ANO7: variants seen among roughly 807,000 people sequenced by gnomAD.
The protein encoded by ANO7 is anoctamin 7, also known as anoctamin-7.
In ANO7, 114 loss-of-function variants were observed where a neutral mutation model predicts 115.8. That is an observed-to-expected ratio of 0.98 (90% CI 0.85 to 1.15). ANO7 has a LOEUF of 1.15. Among genes scored for constraint, ANO7 ranks in the 50% most tolerant of loss-of-function variants. The pLI is 0.00. For missense variants in ANO7, 1,302 were observed against 1,201.2 expected (o/e 1.08, Z -1.24); for synonymous variants, 550 against 498.2 (o/e 1.10, Z -1.38).
chr2:241,202,078 A>T, intron 7 of ANO7, 116 bp from the exon 8 acceptor site: 1 of 785,730 alleles, frequency 1.3e-6, no homozygotes, highest in Non-Finnish European at 2.1e-6. Context: ...CGCTATTGTC[A>T]CCAGAAGGCT....
chr2:241,203,720 G>T lies in ANO7; in HGVS notation c.889+222G>T, dbSNP rs887387312. Among the ~76,000 whole-genome samples, 8 of 152,086 alleles carry T rather than the reference G, an allele frequency of 5.3e-5. No individual in the cohort carries two copies. The highest frequency in any genetic ancestry group is 1.5e-5 in the Non-Finnish European group (1 of 68,000). ...CGGGCCCTGGCCTCCTAATGCTCCA[G>T]TAACAGTGCTGAGAGCCGCTTCTGC... On this transcript the variant is annotated intron_variant, in intron 9 of 24. Coordinates refer to ENST00000674324, the MANE Select transcript of ANO7 (RefSeq NM_001370694.2). The surrounding 1 kb of genome is among the most constrained non-coding windows in gnomAD (Gnocchi z 4.8).
chr2:241,224,055 G>A (rs371171741), intron 24 of ANO7, 42 bp from the exon 25 acceptor site: 68 of 1,613,342 alleles, frequency 4.2e-5, no homozygotes, highest in Non-Finnish European at 5.4e-5. Context: ...GCCTGCTCCT[G>A]GCCCTAGTCT....
chr2:241,195,803 T>G lies in ANO7; in HGVS notation c.267T>G (p.Thr89=). The G allele has an allele frequency of 6.2e-7, 1 of 1,614,226 alleles. No homozygotes were observed. The highest frequency in any genetic ancestry group is 8.5e-7 in the Non-Finnish European group (1 of 1,180,030). The stretch of plus-strand genomic sequence containing the variant: ...ACATGCACAGGACCTGGCGGGAGAC[T>G]TTTCTGGATAATCTTCGTGCGGCTG... ...RTDMHRTWRE[T]FLDNLRAAGL... The change falls in exon 4 of 25, where the codon ACT becomes ACG. Residue 89 remains threonine, a synonymous_variant. Coordinates refer to ENST00000674324, the MANE Select transcript of ANO7 (RefSeq NM_001370694.2).
intron 5 of ANO7, 112 bp downstream of exon 5, chr2:241,199,535 G>A: frequency 9.4e-7 from 1 of 1,062,620 alleles, no homozygotes; most frequent in Non-Finnish European, 1.4e-6. Flanking sequence ...GAGGCCTCAG[G>A]GGCTCCTCCT....
intron 11 of ANO7, among the ~76,000 whole-genome samples, chr2:241,209,023 C>A (rs930942144): frequency 6.6e-5 from 10 of 152,218 alleles, no homozygotes; most frequent in African/African-American, 1.4e-4. Flanking sequence ...GTGGCGGGCG[C>A]CTGTAGTCCC....
chr2:241,203,690 G>A lies in ANO7; in HGVS notation c.889+192G>A, dbSNP rs944116489. Among the ~76,000 whole-genome samples, 8 of 152,204 alleles carry A rather than the reference G, an allele frequency of 5.3e-5. No individual in the cohort carries two copies. The highest frequency in any genetic ancestry group is 3.9e-4 in the Admixed American group (6 of 15,296). On this transcript the variant is annotated intron_variant, in intron 9 of 24. Coordinates refer to ENST00000674324, the MANE Select transcript of ANO7 (RefSeq NM_001370694.2). The surrounding 1 kb of genome is among the most constrained non-coding windows in gnomAD (Gnocchi z 4.8). ...ACTCACTCTAACTGGGCGCCATGAC[G>A]ATGCCGGGCCCTGGCCTCCTAATGC...
At chr2:241,209,765 G>A (rs942707778) in intron 13 of ANO7, 130 bp downstream of exon 13, 4 of 1,318,904 alleles carry the variant, frequency 3.0e-6, no homozygotes, top group Admixed American at 3.0e-5. Flanking sequence ...ACTCCCCGCA[G>A]AGAGGCCCCC....
chr2:241,235,733 G>A, the ANO7 span: 42 of 618,930 alleles, frequency 6.8e-5, no homozygotes, highest in Non-Finnish European at 1.1e-4. Flanking sequence ...AATGCCACCA[G>A]GACCTTTAAC....
chr2:241,224,047 C>T, intron 24 of ANO7, 50 bp from the exon 25 acceptor site: 5 of 1,613,362 alleles, frequency 3.1e-6, no homozygotes, highest in Non-Finnish European at 4.2e-6. Context: ...TGGCCATGGC[C>T]TGCTCCTGGC....
In ANO7 at chr2:241,217,681, C is replaced by T. The variant is rs373751982; in HGVS notation, c.1973-5C>T. On this transcript the variant is annotated splice_polypyrimidine_tract_variant and splice_region_variant and intron_variant, in intron 19 of 24. Transcript: ENST00000674324. The stretch of plus-strand genomic sequence containing the variant: ...GAGAGCCCGGCCGTGACCCCCTCCC[C>T]GCAGTGCTGCAGTTCGGCTTCGTCA... 195 of 1,575,450 alleles carry T rather than the reference C, an allele frequency of 1.2e-4. No homozygotes were observed. Among genetic ancestry groups the T allele is most frequent in the Non-Finnish European group, 1.5e-4 (170 of 1,161,418 alleles).
intron 23 of ANO7, 33 bp downstream of exon 23, chr2:241,223,814 C>A (rs2305070): frequency 6.2e-7 from 1 of 1,614,154 alleles, no homozygotes; most frequent in African/African-American, 1.3e-5. Context: ...GGCCCTCCCC[C>A]CAGCCCTCTC....
chr2:241,230,468 A>T (rs2069607463), downstream of ANO7, among the ~76,000 whole-genome samples: 1 of 152,226 alleles, frequency 6.6e-6, no homozygotes, highest in Admixed American at 6.5e-5. The surrounding 1 kb of genome is among the most constrained non-coding windows in gnomAD (Gnocchi z 5.0). Flanking sequence ...CAGCAGACAG[A>T]GGGCCGCAGC....
In ANO7 at chr2:241,216,173, G is replaced by C; in HGVS notation, c.1907G>C (p.Gly636Ala). The C allele has an allele frequency of 6.2e-7, 1 of 1,613,234 alleles. No homozygotes were observed. Among genetic ancestry groups the C allele is most frequent in the Non-Finnish European group, 8.5e-7 (1 of 1,179,890 alleles). ...KAGASAGASQ[G>A]PWEDDYELVP... ...GGAGCTTCTGCAGGGGCTAGCCAGGGGCCCTGGGAGGACGACTATGAGCTT... is the reference window on the plus strand; with the variant it reads ...GGAGCTTCTGCAGGGGCTAGCCAGGCGCCCTGGGAGGACGACTATGAGCTT... Residue 636 changes from glycine (G) to alanine (A), a missense_variant, in exon 19 of 25, where the codon GGG (glycine) becomes GCG (alanine). Transcript: ENST00000674324.
chr2:241,192,464 C>A (rs1051384167), intron 3 of ANO7, among the ~76,000 whole-genome samples: 1 of 152,194 alleles, frequency 6.6e-6, no homozygotes. Context: ...TTTGCAGACG[C>A]GCCTTCTCCC....
intron 5 of ANO7, 102 bp from the exon 6 acceptor site, chr2:241,199,987 T>G: frequency 7.1e-7 from 1 of 1,414,772 alleles, no homozygotes; most frequent in South Asian, 1.2e-5. Context: ...CTGGAGCCCC[T>G]TCGCCCATTG....
At chr2:241,208,956 T>A (rs34575418) in intron 11 of ANO7, among the ~76,000 whole-genome samples, 2 of 152,132 alleles carry the variant, frequency 1.3e-5, no homozygotes, top group Non-Finnish European at 2.9e-5. Context: ...GAGACCATCC[T>A]GGCTAACACG....
downstream of ANO7, chr2:241,230,951 A>G: frequency 6.2e-7 from 1 of 1,611,584 alleles, no homozygotes; most frequent in Non-Finnish European, 8.5e-7. This position sits in a 1 kb window ranked among gnomAD's most constrained non-coding sequence, Gnocchi z 5.0. Context: ...GGGGCTAAAA[A>G]AGGAGAATGT....
downstream of ANO7, chr2:241,230,409 A>G (rs1266871183): frequency 3.1e-6 from 2 of 635,814 alleles, no homozygotes; most frequent in African/African-American, 3.6e-5. The surrounding 1 kb of genome is among the most constrained non-coding windows in gnomAD (Gnocchi z 5.0). Flanking sequence ...GAAGTCAGTC[A>G]GCCTCATCAC....
At chr2:241,223,159 G>C in intron 21 of ANO7, 27 bp from the exon 22 acceptor site, 1 of 1,604,552 alleles carries the variant, frequency 6.2e-7, no homozygotes, top group Non-Finnish European at 8.5e-7. Context: ...CCCTGGCTGC[G>C]CGCACTGAGT....
Sources: allele counts gnomAD v4.1 joint callset (sites outside exome capture counted in the v4.1 genomes callset), GRCh38; gene constraint gnomAD v4.1.1; non-coding constraint Gnocchi (gnomAD v3.1); transcripts MANE v1.5; gene names NCBI Gene and HGNC (gene_info 2026-07-23, HGNC 2026-07-21).